ZFAND6: variants seen among roughly 807,000 people sequenced by gnomAD.
ZFAND6 encodes AN1-type zinc finger protein 6.
In ZFAND6, 12 loss-of-function variants were observed where a neutral mutation model predicts 24.5. That is an observed-to-expected ratio of 0.49 (90% CI 0.31 to 0.79). The LOEUF (loss-of-function observed/expected upper bound fraction) is 0.79, where lower values mean the gene tolerates loss of function less well. Ranked by LOEUF, ZFAND6 falls within the 30% of genes least tolerant of loss-of-function variation. The probability of loss-of-function intolerance (pLI) is 0.04; values close to 1 mark genes in which losing one functional copy is unlikely to be tolerated. For synonymous variants in ZFAND6, 92 were observed against 81.5 expected (o/e 1.13, Z -0.69); for missense variants, 207 against 245.9 (o/e 0.84, Z 1.06).
intron 2 of ZFAND6, among the ~76,000 whole-genome samples, chr15:80,115,825 T>C (rs1167035645): frequency 1.3e-5 from 2 of 152,214 alleles, no homozygotes; most frequent in Non-Finnish European, 2.9e-5. Flanking sequence ...ACTTTAATCT[T>C]AATGTTTTGA....
chr15:80,060,177 T>A (rs2036249122), intron 1 of ZFAND6: 1 of 151,828 alleles, frequency 6.6e-6, no homozygotes, highest in Non-Finnish European at 1.5e-5. Flanking sequence ...TGCGAGCGGT[T>A]GGCTGGCGGG....
At chr15:80,076,556 T>C (rs1357336) in intron 1 of ZFAND6, among the ~76,000 whole-genome samples, 87,361 of 152,008 alleles carry the variant, frequency 0.57, 26,577 homozygotes, top group Non-Finnish European at 0.68. Flanking sequence ...CTAGCTAGAG[T>C]GAAGAATAAC....
At chr15:80,123,503 T>C (rs2040237404) in intron 5 of ZFAND6, among the ~76,000 whole-genome samples, 2 of 152,184 alleles carry the variant, frequency 1.3e-5, no homozygotes, top group South Asian at 4.1e-4. Context: ...TGAAGAGCAG[T>C]GTGTCATTCT....
chr15:80,094,308 G>A (rs1056284386), intron 1 of ZFAND6, among the ~76,000 whole-genome samples: 1 of 152,172 alleles, frequency 6.6e-6, no homozygotes, highest in African/African-American at 2.4e-5. Flanking sequence ...TACCACTTGA[G>A]CTCCGCCTCC....
At chr15:80,105,850 T>A (rs1029508657) in intron 2 of ZFAND6, among the ~76,000 whole-genome samples, 1 of 152,224 alleles carries the variant, frequency 6.6e-6, no homozygotes. Context: ...AAAATCAGTT[T>A]CTGAAGTATC....
chr15:80,088,959 A>G (rs1273033921), intron 1 of ZFAND6, among the ~76,000 whole-genome samples: 1 of 151,970 alleles, frequency 6.6e-6, no homozygotes, highest in Non-Finnish European at 1.5e-5. Context: ...CTTTATCCAT[A>G]ATAGACCCAC....
chr15:80,088,896 C>T (rs2038167524), intron 1 of ZFAND6, among the ~76,000 whole-genome samples: 1 of 152,016 alleles, frequency 6.6e-6, no homozygotes, highest in Admixed American at 6.6e-5. Context: ...TTGGGTAGCA[C>T]CTTTCTAGAT....
chr15:80,131,545 C>A, intron 6 of ZFAND6: 1 of 424,302 alleles, frequency 2.4e-6, no homozygotes, highest in East Asian at 3.4e-5. Flanking sequence ...GGTTAGTGTG[C>A]CAGATTCTGT....
chr15:80,108,057 A>G (rs1262389389), intron 2 of ZFAND6, among the ~76,000 whole-genome samples: 1 of 152,168 alleles, frequency 6.6e-6, no homozygotes, highest in Non-Finnish European at 1.5e-5. Flanking sequence ...TGAGAGTGCT[A>G]ATAGTACCTA....
At chr15:80,122,454 T>C (rs1183409602) in intron 4 of ZFAND6, among the ~76,000 whole-genome samples, 2 of 152,216 alleles carry the variant, frequency 1.3e-5, no homozygotes, top group African/African-American at 4.8e-5. Context: ...TTTAGTGAAT[T>C]CATGTGGTAC....
chr15:80,086,998 T>C (rs2038045614), intron 1 of ZFAND6, among the ~76,000 whole-genome samples: 1 of 152,252 alleles, frequency 6.6e-6, no homozygotes, highest in Admixed American at 6.5e-5. Context: ...CAGAATTTCA[T>C]TCCTTTTAAA....
At chr15:80,085,834 T>C (rs2037964086) in intron 1 of ZFAND6, among the ~76,000 whole-genome samples, 1 of 152,188 alleles carries the variant, frequency 6.6e-6, no homozygotes, top group Non-Finnish European at 1.5e-5. Flanking sequence ...ATGGACTGCA[T>C]ATAGACTGTG....
intron 1 of ZFAND6, among the ~76,000 whole-genome samples, chr15:80,071,071 A>G (rs4778745): frequency 0.094 from 14,280 of 152,204 alleles, 959 homozygotes; most frequent in Admixed American, 0.21. Context: ...CTTAAAGGGC[A>G]TAATAGATTA....
chr15:80,080,350 A>G lies in ZFAND6; in HGVS notation c.-180-18066A>G, dbSNP rs189932675. On this transcript the variant is annotated intron_variant, in intron 1 of 6. Transcript: ENST00000261749. The stretch of plus-strand genomic sequence containing the variant: ...GATAATTGTTTAAAATTATATATAC[A>G]GTAGTTGCCCCTTATTCATGGGAGA... 8.0e-4 allele frequency among the ~76,000 whole-genome samples: 122 copies of G among 152,320 alleles called. 1 individual carries two copies. The highest frequency in any genetic ancestry group is 6.8e-3 in the Middle Eastern group (2 of 294).
intron 2 of ZFAND6, among the ~76,000 whole-genome samples, chr15:80,098,974 T>C (rs2038886016): frequency 6.6e-6 from 1 of 152,014 alleles, no homozygotes; most frequent in African/African-American, 2.4e-5. Flanking sequence ...TTATGATGTT[T>C]GATATTAATA....
At chr15:80,129,649 A>G (rs1343061564) in intron 5 of ZFAND6, 1 of 152,228 alleles carries the variant, frequency 6.6e-6, no homozygotes, top group Non-Finnish European at 1.5e-5. Flanking sequence ...GGCACTGATA[A>G]TGGGATAAAT....
At chr15:80,067,636 T>G (rs2036720569) in intron 1 of ZFAND6, among the ~76,000 whole-genome samples, 1 of 152,318 alleles carries the variant, frequency 6.6e-6, no homozygotes, top group East Asian at 1.9e-4. Flanking sequence ...TTTGTATTAG[T>G]CACATTCTAG....
In ZFAND6 at chr15:80,124,000, A is replaced by G. The variant is rs146185130; in HGVS notation, c.364+1200A>G. 9.2e-4 allele frequency among the ~76,000 whole-genome samples: 140 copies of G among 151,868 alleles called. 1 individual carries two copies. The East Asian group carries it at 0.024, about 27-fold the overall frequency. On this transcript the variant is annotated intron_variant, in intron 5 of 6. Transcript: ENST00000261749. ...GTGTAGATTTTGCCGTAACAAAAGA[A>G]TATTCTGTGTGGTCAACGTAAATAT...
chr15:80,079,746 T>A (rs934227852), intron 1 of ZFAND6, among the ~76,000 whole-genome samples: 7 of 147,726 alleles, frequency 4.7e-5, no homozygotes, highest in Non-Finnish European at 1.0e-4. Context: ...GCCTCCCAGG[T>A]TCATGCCATC....
Sources: gnomAD v4.1 joint callset for allele counts (sites outside exome capture counted in the v4.1 genomes callset) on GRCh38, gnomAD v4.1.1 for gene constraint, MANE v1.5 for transcripts, NCBI Gene and HGNC (gene_info 2026-07-23, HGNC 2026-07-21) for gene names.